The following TPCN2 variants were observed in gnomAD, a reference collection of about 807,000 sequenced individuals.
TPCN2 encodes two pore segment channel 2, also known as two pore channel protein 2.
In TPCN2, 92 loss-of-function variants were observed where a neutral mutation model predicts 111.4. The observed-to-expected ratio is 0.83, with a 90% CI of 0.70 to 0.98. TPCN2 has a LOEUF of 0.98. Among genes scored for constraint, TPCN2 ranks in the 50% least tolerant of loss-of-function variants. The probability of loss-of-function intolerance (pLI) is 0.00; values close to 1 mark genes in which losing one functional copy is unlikely to be tolerated. For synonymous variants in TPCN2, 405 were observed against 414.5 expected, an observed-to-expected ratio of 0.98 and a Z score of 0.28; for missense variants, 995 against 980.1, an observed-to-expected ratio of 1.02 and a Z score of -0.20.
In TPCN2 at chr11:69,086,610, A is replaced by G; in HGVS notation, c.2085+6A>G. 2 of 1,613,430 alleles carry G rather than the reference A, an allele frequency of 1.2e-6. No homozygotes were observed. The highest frequency in any genetic ancestry group is 2.2e-5 in the East Asian group (1 of 44,856). On this transcript the variant is annotated splice_donor_region_variant and intron_variant, in intron 23 of 24. Transcript: ENST00000294309. ...TTCTGGCCCTGATTCTGGAGGTATC[A>G]GAGATCCCCACCCAGGCTGTTCTCC...
chr11:69,088,468 T>C lies in TPCN2; in HGVS notation c.*515T>C, dbSNP rs1169539497. The stretch of plus-strand genomic sequence containing the variant: ...GGGTGTGTTTCTTTAGGGTTCTGAT[T>C]GCCAGTTATTTTCATCAATAAGTCT... On this transcript the variant is annotated 3_prime_UTR_variant, in exon 25 of 25. Transcript: ENST00000294309. 1 of 156,580 alleles carries C rather than the reference T, an allele frequency of 6.4e-6. No homozygotes were observed. Among genetic ancestry groups the C allele is most frequent in the Non-Finnish European group, 1.4e-5 (1 of 70,486 alleles). 9.7% of individuals were successfully genotyped at this position (156,580 alleles called of 1,614,324 possible).
intron 13 of TPCN2, among the ~76,000 whole-genome samples, chr11:69,077,523 GA>G (rs1472526593): frequency 1.3e-5 from 2 of 152,270 alleles, no homozygotes; most frequent in Non-Finnish European, 2.9e-5. Context: ...GAAGTTCGCT[GA>G]TCATTGGCAC....
At chr11:69,074,976 C>T (rs762997260) in intron 13 of TPCN2, among the ~76,000 whole-genome samples, 38 of 152,222 alleles carry the variant, frequency 2.5e-4, no homozygotes, top group Non-Finnish European at 4.7e-4. Context: ...AAAGGGGTTC[C>T]TCCTCCCGTG....
rs545836807 is a variant in TPCN2, at chr11:69,057,270, A to G, written c.430-308A>G. Among the ~76,000 whole-genome samples the G allele has an allele frequency of 1.1e-3, 165 of 152,356 alleles. 1 individual carries two copies. Among genetic ancestry groups the G allele is most frequent in the Non-Finnish European group, 2.0e-3 (136 of 68,038 alleles). On this transcript the variant is annotated intron_variant, in intron 4 of 24. Transcript: ENST00000294309. ...ATTTTTCTAGCCTTTTCCAGAGTGC[A>G]TTCCATGTCTTCTCAGCCTGCACAA...
rs1855932230 is a variant in TPCN2, at chr11:69,079,822, T to C, written c.1540-12T>C. On this transcript the variant is annotated splice_polypyrimidine_tract_variant and intron_variant, in intron 16 of 24. Transcript: ENST00000294309. ...TGCTGTAGCGAAGCCTTCTTTTCTT[T>C]TGTAATTAAAGGTTTTGGAGATCTC... is the stretch of plus-strand genomic sequence containing the variant. 6.2e-7 allele frequency: 1 copy of C among 1,613,168 alleles called. No individual in the cohort carries two copies. Among genetic ancestry groups the C allele is most frequent in the Non-Finnish European group, 8.5e-7 (1 of 1,179,584 alleles).
At position 69,081,468 on chromosome 11, in the gene TPCN2, TC is replaced by T. The variant is rs756206507; in HGVS notation, c.1660del (p.Arg554AlafsTer9). On this transcript the variant is annotated frameshift_variant, in exon 18 of 25. Transcript: ENST00000294309. LOFTEE classifies it high-confidence loss of function. ...CGCATGCTGAACATGCTCATCGTGT[TC>T]CGCTTCCTGCGTATCATCCCCAGCA... is the stretch of plus-strand genomic sequence containing the variant. ...MTRMLNMLIV[F>X]RFLRIIPSMK... 1 of 1,573,752 alleles carries T rather than the reference TC, an allele frequency of 6.4e-7. No homozygotes were observed. The highest frequency in any genetic ancestry group is 2.3e-5 in the East Asian group (1 of 42,984).
intron 8 of TPCN2, among the ~76,000 whole-genome samples, chr11:69,070,112 C>T (rs1855457449): frequency 6.6e-6 from 1 of 152,016 alleles, no homozygotes; most frequent in Admixed American, 6.5e-5. Context: ...GCAACCTCCA[C>T]CTCCCAGGTT....
chr11:69,087,074 G>A (rs1856316905), intron 23 of TPCN2, 38 bp from the exon 24 acceptor site: 1 of 1,576,246 alleles, frequency 6.3e-7, no homozygotes, highest in Non-Finnish European at 8.7e-7. Context: ...GCTTTCATTC[G>A]GGGCCCACAC....
chr11:69,069,271 ACCG>A (rs1194048670), intron 8 of TPCN2, among the ~76,000 whole-genome samples: 3 of 82,936 alleles, frequency 3.6e-5, no homozygotes, highest in Non-Finnish European at 5.1e-5. Context: ...CTAGGAAGTG[ACCG>A]CACTGGGAGC....
chr11:69,083,193 T>C (rs1481631209), intron 18 of TPCN2: 3 of 152,984 alleles, frequency 2.0e-5, no homozygotes, highest in African/African-American at 4.8e-5. Context: ...ACTGTGACTT[T>C]AAGGGAAATG....
intron 13 of TPCN2, among the ~76,000 whole-genome samples, chr11:69,077,762 G>C (rs562791143): frequency 6.6e-6 from 1 of 152,208 alleles, no homozygotes; most frequent in African/African-American, 2.4e-5. Context: ...TGGACTTTCT[G>C]GGGGGATGAG....
At chr11:69,078,370 G>C (rs1415646538) in intron 13 of TPCN2, 112 bp from the exon 14 acceptor site, 1 of 1,355,302 alleles carries the variant, frequency 7.4e-7, no homozygotes, top group African/African-American at 1.4e-5. Context: ...GATAGGACGG[G>C]AGATGGGGTA....
chr11:69,083,490 T>G (rs1856133941), intron 18 of TPCN2, among the ~76,000 whole-genome samples: 3 of 152,222 alleles, frequency 2.0e-5, no homozygotes, highest in Admixed American at 2.0e-4. Flanking sequence ...CAGACTCAGT[T>G]CCTGCAGGTG....
intron 23 of TPCN2, 58 bp downstream of exon 23, chr11:69,086,662 C>G (rs538242236): frequency 3.2e-6 from 5 of 1,543,230 alleles, no homozygotes; most frequent in African/African-American, 1.4e-5. Flanking sequence ...AATTCACTCT[C>G]GATGGGCCTG....
intron 13 of TPCN2, 70 bp from the exon 14 acceptor site, chr11:69,078,412 T>A (rs1855879032): frequency 6.3e-7 from 1 of 1,592,770 alleles, no homozygotes; most frequent in African/African-American, 1.3e-5. Context: ...TAAGAGGGTG[T>A]GAGCATTTTT....
At chr11:69,074,871 G>T (rs1855686255) in intron 13 of TPCN2, among the ~76,000 whole-genome samples, 1 of 152,166 alleles carries the variant, frequency 6.6e-6, no homozygotes, top group Non-Finnish European at 1.5e-5. Context: ...CTCTCCCTGG[G>T]CAGTTGTTGC....
intron 5 of TPCN2, among the ~76,000 whole-genome samples, chr11:69,061,759 A>C (rs1855030783): frequency 6.6e-6 from 1 of 152,026 alleles, no homozygotes; most frequent in Admixed American, 6.6e-5. Flanking sequence ...ACGTGGCATG[A>C]TGGAAGCTGT....
Position 69,071,425 on chromosome 11 carries a change from G to A in TPCN2, c.960+5G>A, listed in dbSNP as rs918649597. On this transcript the variant is annotated splice_donor_5th_base_variant and intron_variant, in intron 10 of 24. Coordinates refer to ENST00000294309, the MANE Select transcript of TPCN2 (RefSeq NM_139075.4). ...CAGTTCCGGGGCTACCTGATGGTGA[G>A]CGAGCTCCCCAATGCTGGCTGTGCC... The A allele has an allele frequency of 2.5e-6, 4 of 1,612,498 alleles. No individual in the cohort carries two copies. The African/African-American group carries it at 4.0e-5, about 16-fold the overall frequency.
intron 13 of TPCN2, among the ~76,000 whole-genome samples, chr11:69,076,287 C>G (rs916285838): frequency 6.6e-6 from 1 of 152,152 alleles, no homozygotes; most frequent in Admixed American, 6.5e-5. Flanking sequence ...GGCGACCCTC[C>G]TGGGTGCAGC....
Sources: allele counts gnomAD v4.1 joint callset (sites outside exome capture counted in the v4.1 genomes callset), GRCh38; gene constraint gnomAD v4.1.1; transcripts MANE v1.5; gene names NCBI Gene and HGNC (gene_info 2026-07-23, HGNC 2026-07-21).